The following L3MBTL4 variants were observed in gnomAD, a reference collection of about 807,000 sequenced individuals.
L3MBTL4 encodes the protein L3MBTL histone methyl-lysine binding protein 4.
Under a neutral mutation model 84.5 loss-of-function variants are expected in L3MBTL4, and 70 were observed. That is an observed-to-expected ratio of 0.83 (90% CI 0.68 to 1.01). L3MBTL4 has a LOEUF of 1.01. Among genes scored for constraint, L3MBTL4 ranks in the 50% least tolerant of loss-of-function variants. The pLI is 0.00. For synonymous variants in L3MBTL4, 274 were observed against 259.8 expected (o/e 1.05, Z -0.52); for missense variants, 715 against 754.8 (o/e 0.95, Z 0.62).
intron 12 of L3MBTL4, among the ~76,000 whole-genome samples, chr18:6,196,020 A>G (rs931530491): frequency 5.3e-5 from 8 of 151,822 alleles, no homozygotes; most frequent in Non-Finnish European, 1.0e-4. Flanking sequence ...CTCTCCTCCT[A>G]TTCCACATTC....
At chr18:5,962,291 T>C (rs1041916039) in intron 17 of L3MBTL4, among the ~76,000 whole-genome samples, 11 of 152,156 alleles carry the variant, frequency 7.2e-5, no homozygotes, top group East Asian at 3.9e-4. Flanking sequence ...GTTGGATTCA[T>C]AGTATTTCCA....
Position 6,111,907 on chromosome 18 carries a change from G to C in L3MBTL4, c.1200-18379C>G, listed in dbSNP as rs143878938. On this transcript the variant is annotated intron_variant, in intron 14 of 18. Coordinates refer to ENST00000317931, the MANE Select transcript of L3MBTL4 (RefSeq NM_001330559.2). ...GAATACAACACATTGTTATTAACTA[G>C]AGTCGACATGTTGTGCAATATATCT... is the stretch of plus-strand genomic sequence containing the variant. Among the ~76,000 whole-genome samples, 81 of 152,098 alleles carry C rather than the reference G, an allele frequency of 5.3e-4. No homozygotes were observed. The East Asian group carries it at 0.014, about 25-fold the overall frequency.
chr18:6,011,973 C>T (rs1278219747), intron 16 of L3MBTL4, among the ~76,000 whole-genome samples: 1 of 152,226 alleles, frequency 6.6e-6, no homozygotes, highest in Non-Finnish European at 1.5e-5. Flanking sequence ...AACTTTGCTT[C>T]TGGACAGAAA....
At chr18:6,210,278 C>G (rs775791502) in intron 12 of L3MBTL4, among the ~76,000 whole-genome samples, 1 of 152,170 alleles carries the variant, frequency 6.6e-6, no homozygotes, top group Non-Finnish European at 1.5e-5. Flanking sequence ...ACAGGACCCT[C>G]CAGGTAGGAC....
chr18:6,155,240 C>A lies in L3MBTL4; in HGVS notation c.1096+16588G>T, dbSNP rs183022826. Among the ~76,000 whole-genome samples, 829 of 152,266 alleles carry A rather than the reference C, an allele frequency of 5.4e-3. 3 individuals carry two copies. The highest frequency in any genetic ancestry group is 0.01 in the Middle Eastern group (3 of 294). On this transcript the variant is annotated intron_variant, in intron 13 of 18. Transcript: ENST00000317931. ...CTCATTGGTGGTTATAGAAATAACA[C>A]TACATACAGAAAATTTTTATGAAGC...
intron 16 of L3MBTL4, among the ~76,000 whole-genome samples, chr18:6,067,295 A>G (rs1229074961): frequency 1.3e-5 from 2 of 152,158 alleles, no homozygotes; most frequent in African/African-American, 4.8e-5. Context: ...TCTTTTTGCA[A>G]TGAATTTCCC....
chr18:6,084,107 A>AGTCACATAATAAG, intron 15 of L3MBTL4, among the ~76,000 whole-genome samples: 1 of 152,338 alleles, frequency 6.6e-6, no homozygotes, highest in Admixed American at 6.5e-5. Flanking sequence ...AGTCTTAAAA[A>AGTCACATAATAAG]GTCACATAAT....
intron 16 of L3MBTL4, among the ~76,000 whole-genome samples, chr18:6,026,790 C>T (rs2055526808): frequency 6.6e-6 from 1 of 152,092 alleles, no homozygotes; most frequent in Non-Finnish European, 1.5e-5. Context: ...TGTTTAATAA[C>T]AGTCACATTC....
In L3MBTL4 at chr18:6,197,958, C is replaced by T. The variant is rs78297946; in HGVS notation, c.981+15191G>A. On this transcript the variant is annotated intron_variant, in intron 12 of 18. Coordinates refer to ENST00000317931, the MANE Select transcript of L3MBTL4 (RefSeq NM_001330559.2). ...TCAGACAGAACTGGGGCTGGGGTGGCGCACCTTCTCTCCCTTCTCTACTCA... is the reference window on the plus strand; with the variant it reads ...TCAGACAGAACTGGGGCTGGGGTGGTGCACCTTCTCTCCCTTCTCTACTCA... Among the ~76,000 whole-genome samples the T allele has an allele frequency of 8.5e-3, 1,298 of 152,270 alleles. 20 individuals carry two copies. The highest frequency in any genetic ancestry group is 0.029 in the African/African-American group (1,225 of 41,548).
chr18:6,320,217 T>C (rs2051332028), intron 1 of L3MBTL4, among the ~76,000 whole-genome samples: 1 of 152,038 alleles, frequency 6.6e-6, no homozygotes, highest in Non-Finnish European at 1.5e-5. Flanking sequence ...TTGAAAGCAT[T>C]CGCCCTTGAG....
At chr18:5,967,594 C>T (rs1234467340) in intron 17 of L3MBTL4, among the ~76,000 whole-genome samples, 4 of 152,144 alleles carry the variant, frequency 2.6e-5, no homozygotes, top group African/African-American at 4.8e-5. Context: ...TTACCAGGTG[C>T]CTATTAAGTG....
intron 5 of L3MBTL4, among the ~76,000 whole-genome samples, chr18:6,252,007 G>A (rs182125965): frequency 3.6e-4 from 55 of 152,194 alleles, no homozygotes; most frequent in Admixed American, 1.0e-3. Context: ...AATACAATGC[G>A]GCTGCTCAAA....
At chr18:6,296,892 A>G (rs965172434) in intron 4 of L3MBTL4, among the ~76,000 whole-genome samples, 3 of 152,146 alleles carry the variant, frequency 2.0e-5, no homozygotes, top group Non-Finnish European at 4.4e-5. Flanking sequence ...GGGAGGGAGG[A>G]GTAAGGATGT....
intron 13 of L3MBTL4, among the ~76,000 whole-genome samples, chr18:6,154,720 C>A (rs2043031888): frequency 6.6e-6 from 1 of 152,172 alleles, no homozygotes; most frequent in South Asian, 2.1e-4. Context: ...CTGAGACACA[C>A]TTTTCAGTAA....
At chr18:6,114,946 AGAG>A (rs1401688748) in intron 14 of L3MBTL4, among the ~76,000 whole-genome samples, 1 of 152,150 alleles carries the variant, frequency 6.6e-6, no homozygotes, top group Admixed American at 6.5e-5. Flanking sequence ...CACACAGCGG[AGAG>A]GAGAACACAG....
intron 16 of L3MBTL4, among the ~76,000 whole-genome samples, chr18:6,075,569 T>C (rs1198263316): frequency 1.3e-5 from 2 of 152,008 alleles, no homozygotes; most frequent in Admixed American, 6.6e-5. Context: ...GATAAAAAAA[T>C]AAAGATTCTA....
At chr18:6,112,319 C>T (rs893260941) in intron 14 of L3MBTL4, among the ~76,000 whole-genome samples, 3 of 152,212 alleles carry the variant, frequency 2.0e-5, no homozygotes, top group Non-Finnish European at 2.9e-5. Flanking sequence ...AACCGAGGAT[C>T]GCATCTTTTC....
At chr18:6,194,112 T>TA (rs538123288) in intron 12 of L3MBTL4, among the ~76,000 whole-genome samples, 10 of 151,754 alleles carry the variant, frequency 6.6e-5, no homozygotes, top group Admixed American at 2.6e-4. Context: ...AAAAACAAAA[T>TA]AAAAAAAACT....
At chr18:6,216,625 A>G (rs1469224790) in intron 10 of L3MBTL4, among the ~76,000 whole-genome samples, 2 of 151,962 alleles carry the variant, frequency 1.3e-5, no homozygotes, top group African/African-American at 2.4e-5. Flanking sequence ...ACTTATTTTC[A>G]TTTAAAATGA....
Sources: allele counts gnomAD v4.1 joint callset (sites outside exome capture counted in the v4.1 genomes callset), GRCh38; gene constraint gnomAD v4.1.1; transcripts MANE v1.5; gene names NCBI Gene and HGNC (gene_info 2026-07-23, HGNC 2026-07-21).